ABCB5: variants seen among roughly 807,000 people sequenced by gnomAD.
ABCB5 encodes the protein ATP-binding cassette sub-family B member 5.
In ABCB5, 155 loss-of-function variants were observed where a neutral mutation model predicts 144.2. The observed-to-expected ratio is 1.08, with a 90% confidence interval of 0.94 to 1.23. The LOEUF is 1.23. ABCB5 is among the 50% of genes most tolerant of loss of function. ABCB5 has a pLI of 0.00. For missense variants in ABCB5, 1,830 were observed against 1,520.8 expected (o/e 1.20, Z -3.38); for synonymous variants, 610 against 528.6 (o/e 1.15, Z -2.11).
chr7:20,680,310 G>A (rs1785747129), intron 14 of ABCB5, among the ~76,000 whole-genome samples: 1 of 152,052 alleles, frequency 6.6e-6, no homozygotes, highest in African/African-American at 2.4e-5. Context: ...TGTAATCCCA[G>A]CACTTTGGGA....
chr7:20,641,624 T>G (rs1784298673), intron 5 of ABCB5: 2 of 153,780 alleles, frequency 1.3e-5, no homozygotes, highest in Admixed American at 1.3e-4. Flanking sequence ...TGAGGGAGAC[T>G]GTGACTGATT....
chr7:20,621,598 C>CT (rs2128016217), intron 1 of ABCB5, among the ~76,000 whole-genome samples: 1 of 152,112 alleles, frequency 6.6e-6, no homozygotes, highest in East Asian at 1.9e-4. Flanking sequence ...AAGCTCAATA[C>CT]TTTTTTCAAT....
chr7:20,731,369 A>AAAAAAAAAAAAAAAAAATATAT (rs57305244), intron 23 of ABCB5, among the ~76,000 whole-genome samples: 1 of 123,072 alleles, frequency 8.1e-6, no homozygotes, highest in African/African-American at 3.3e-5. Context: ...AAAAAAAAAA[A>AAAAAAAAAAAAAAAAAATATAT]ATATATATAT....
At chr7:20,733,607 C>G (rs539738270) in intron 23 of ABCB5, among the ~76,000 whole-genome samples, 22 of 151,490 alleles carry the variant, frequency 1.5e-4, no homozygotes, top group Non-Finnish European at 1.9e-4. Flanking sequence ...GCTAGAGCCA[C>G]TGGTATCACT....
At chr7:20,751,750 C>T (rs763125295) in intron 26 of ABCB5, among the ~76,000 whole-genome samples, 7 of 152,202 alleles carry the variant, frequency 4.6e-5, no homozygotes, top group South Asian at 2.1e-4. Flanking sequence ...TGGAAATGAA[C>T]GGCAGACACA....
intron 26 of ABCB5, among the ~76,000 whole-genome samples, chr7:20,753,096 C>T (rs969032248): frequency 6.6e-6 from 1 of 151,988 alleles, no homozygotes; most frequent in Non-Finnish European, 1.5e-5. Flanking sequence ...TTTTCTTATG[C>T]TTTAATTTGA....
intron 14 of ABCB5, chr7:20,659,811 G>A: frequency 1.0e-6 from 1 of 956,510 alleles, no homozygotes; most frequent in Non-Finnish European, 1.2e-6. Context: ...AGCCTCCTGA[G>A]TAGCTGGGAG....
intron 20 of ABCB5, among the ~76,000 whole-genome samples, chr7:20,716,906 G>T (rs746781963): frequency 6.6e-6 from 1 of 152,078 alleles, no homozygotes. Flanking sequence ...CGCAGCCTTA[G>T]GGAATCTCCT....
rs555938659 is a variant in ABCB5, at chr7:20,645,392, A to T, written c.679-364A>T. Among the ~76,000 whole-genome samples the T allele has an allele frequency of 1.1e-4, 16 of 152,368 alleles. 1 individual carries two copies. The South Asian group carries it at 3.3e-3, about 32-fold the overall frequency. On this transcript the variant is annotated intron_variant, in intron 7 of 27. Coordinates refer to ENST00000404938, the MANE Select transcript of ABCB5 (RefSeq NM_001163941.2). ...TGGAATATATTTTTTAGGTGGATAG[A>T]CTTGCTATGCGAATAGGCAATAGTT...
intron 15 of ABCB5, among the ~76,000 whole-genome samples, chr7:20,684,463 G>T (rs1785926394): frequency 6.6e-6 from 1 of 152,116 alleles, no homozygotes; most frequent in South Asian, 2.1e-4. Context: ...GGGGAGAAAA[G>T]CCAAACAAGG....
At chr7:20,704,903 G>C in intron 20 of ABCB5, 96 bp downstream of exon 20, 1 of 950,842 alleles carries the variant, frequency 1.1e-6, no homozygotes, top group South Asian at 1.7e-5. Flanking sequence ...GCTGTGCTGA[G>C]ATGACCCACA....
At chr7:20,659,393 C>A in intron 14 of ABCB5, 1 of 1,204,256 alleles carries the variant, frequency 8.3e-7, no homozygotes, top group Non-Finnish European at 1.0e-6. Context: ...GTGAGTTAAG[C>A]GTTTTTTTTT....
intron 20 of ABCB5, 83 bp downstream of exon 20, chr7:20,704,890 T>A: frequency 2.7e-6 from 3 of 1,117,736 alleles, no homozygotes; most frequent in Non-Finnish European, 3.9e-6. Context: ...TGCATATATG[T>A]GAGCTGTGCT....
At chr7:20,734,362 T>G (rs755771166) in intron 23 of ABCB5, among the ~76,000 whole-genome samples, 2 of 151,142 alleles carry the variant, frequency 1.3e-5, no homozygotes, top group Non-Finnish European at 2.9e-5. Context: ...ACCAATGGTT[T>G]TCCAACTCAG....
intron 11 of ABCB5, 123 bp from the exon 12 acceptor site, chr7:20,649,896 TAAC>T (rs1784525428): frequency 4.8e-6 from 5 of 1,047,946 alleles, no homozygotes; most frequent in East Asian, 5.4e-5. Flanking sequence ...GAAACAAACA[TAAC>T]AAGATCTAAA....
chr7:20,683,153 T>C (rs949070385), intron 15 of ABCB5, among the ~76,000 whole-genome samples: 11 of 152,214 alleles, frequency 7.2e-5, no homozygotes, highest in African/African-American at 1.7e-4. Flanking sequence ...ATCAAGTTTA[T>C]AACTTCAAAT....
At position 20,619,444 on chromosome 7, in the gene ABCB5, A is replaced by G. The variant is rs560965553; in HGVS notation, c.-22+3607A>G. 2.0e-5 allele frequency among the ~76,000 whole-genome samples: 3 copies of G among 152,192 alleles called. No individual in the cohort carries two copies. The East Asian group carries it at 5.8e-4, about 29-fold the overall frequency. ...TACAATTTTCTCATGATTAGTGACG[A>G]TTAGCATTTTATGTTTGTTGGCCAC... On this transcript the variant is annotated intron_variant, in intron 1 of 27. Coordinates refer to ENST00000404938, the MANE Select transcript of ABCB5 (RefSeq NM_001163941.2).
Position 20,636,411 on chromosome 7 carries a change from T to A in ABCB5, c.314+4298T>A, listed in dbSNP as rs116944210. ...TACAGTTATGTAAGGGCTACTAAAT[T>A]TATAAGGAAACATACTTACCTTTTA... On this transcript the variant is annotated intron_variant, in intron 5 of 27. Transcript: ENST00000404938. Among the ~76,000 whole-genome samples, 336 of 152,242 alleles carry A rather than the reference T, an allele frequency of 2.2e-3. 9 individuals are homozygous for A. In the East Asian group the frequency reaches 0.051, roughly 23 times the overall value.
intron 26 of ABCB5, among the ~76,000 whole-genome samples, chr7:20,747,826 GT>G (rs112017625): frequency 2.0e-5 from 3 of 152,210 alleles, no homozygotes; most frequent in South Asian, 2.1e-4. Context: ...AAATAAAATA[GT>G]TTAAAAAAAA....
Sources: gnomAD v4.1 joint callset for allele counts (sites outside exome capture counted in the v4.1 genomes callset) on GRCh38, gnomAD v4.1.1 for gene constraint, MANE v1.5 for transcripts, NCBI Gene and HGNC (gene_info 2026-07-23, HGNC 2026-07-21) for gene names.